Variants in KDM5B observed in about 807,000 individuals in gnomAD.
The protein encoded by KDM5B is lysine demethylase 5B, also known as lysine-specific demethylase 5B.
A neutral mutation model predicts 193.4 loss-of-function variants in KDM5B; 144 were observed. The ratio of observed to expected loss-of-function variants is 0.74; its 90% confidence interval spans 0.65 to 0.86. The LOEUF is 0.86. Among genes scored for constraint, KDM5B ranks in the 40% least tolerant of loss-of-function variants. KDM5B has a pLI of 0.00. For synonymous variants in KDM5B, 668 were observed against 682.6 expected (o/e 0.98, Z 0.33); for missense variants, 1,833 against 1,886.9 (o/e 0.97, Z 0.53).
At chr1:202,754,532 G>A (rs1393460146) in intron 11 of KDM5B, among the ~76,000 whole-genome samples, 1 of 152,134 alleles carries the variant, frequency 6.6e-6, no homozygotes, top group South Asian at 2.1e-4. Context: ...CAACAAAAGA[G>A]AGGCTAGTCA....
At position 202,755,390 on chromosome 1, in the gene KDM5B, T is replaced by C. The variant is rs755065904; in HGVS notation, c.1419A>G (p.Ala473=). The C allele has an allele frequency of 1.9e-6, 3 of 1,614,010 alleles. No individual in the cohort carries two copies. In the South Asian group the frequency reaches 3.3e-5, roughly 18 times the overall value. The stretch of plus-strand genomic sequence containing the variant: ...TGCCACATATATCAGCAGTAATATG[T>C]GCAAGGACAGACTGCTCCATCACTG... ...NMPVMEQSVL[A]HITADICGMK... Residue 473 remains alanine (A), a synonymous_variant, in exon 11 of 27, where the codon GCA becomes GCG. Coordinates refer to ENST00000367265, the MANE Select transcript of KDM5B (RefSeq NM_006618.5).
intron 1 of KDM5B, 46 bp from the exon 2 acceptor site, chr1:202,777,140 G>T: frequency 7.0e-7 from 1 of 1,425,350 alleles, no homozygotes; most frequent in South Asian, 1.2e-5. Flanking sequence ...ATAAGCATTT[G>T]ACATTCAAAA....
intron 1 of KDM5B, among the ~76,000 whole-genome samples, chr1:202,798,663 C>A (rs1657950897): frequency 6.6e-6 from 1 of 151,926 alleles, no homozygotes; most frequent in Non-Finnish European, 1.5e-5. Context: ...GAGTTCGAGG[C>A]TCCAAGGAGC....
intron 1 of KDM5B, among the ~76,000 whole-genome samples, chr1:202,805,022 A>G (rs550701265): frequency 1.3e-5 from 2 of 152,324 alleles, no homozygotes; most frequent in South Asian, 4.1e-4. Context: ...TTTTCTGCCT[A>G]ATAGTTACAC....
At chr1:202,756,696 T>C (rs1656025814) in intron 9 of KDM5B, among the ~76,000 whole-genome samples, 180 bp from the exon 10 acceptor site, 1 of 152,196 alleles carries the variant, frequency 6.6e-6, no homozygotes, top group South Asian at 2.1e-4. Context: ...TGTTCCTCTA[T>C]CACCAGCCAG....
At chr1:202,740,859 A>G (rs1655309680) in intron 19 of KDM5B, 47 bp from the exon 20 acceptor site, 1 of 1,548,848 alleles carries the variant, frequency 6.5e-7, no homozygotes, top group Non-Finnish European at 8.8e-7. Context: ...ATGATGGTTC[A>G]TTTTTCTTAT....
At chr1:202,787,165 T>A (rs1178317955) in intron 1 of KDM5B, among the ~76,000 whole-genome samples, 6 of 152,084 alleles carry the variant, frequency 3.9e-5, no homozygotes, top group African/African-American at 1.2e-4. Flanking sequence ...TGCCACCACA[T>A]CAGGCTAATT....
At chr1:202,783,380 C>A (rs545508050) in intron 1 of KDM5B, among the ~76,000 whole-genome samples, 1 of 152,070 alleles carries the variant, frequency 6.6e-6, no homozygotes, top group East Asian at 1.9e-4. Flanking sequence ...TGGCATGCAC[C>A]TGTAGTCCCA....
intron 5 of KDM5B, chr1:202,766,379 G>A: frequency 3.0e-6 from 1 of 336,914 alleles, no homozygotes; most frequent in Non-Finnish European, 5.7e-6. Context: ...GGTGGCACAC[G>A]CCTGTAGTCC....
chr1:202,753,134 A>G (rs1655862065), intron 11 of KDM5B, 67 bp from the exon 12 acceptor site: 1 of 1,389,706 alleles, frequency 7.2e-7, no homozygotes, highest in Non-Finnish European at 9.9e-7. Context: ...TTACCAGTTC[A>G]TATTTTTCAG....
chr1:202,741,068 T>A (rs1655316728), intron 19 of KDM5B, among the ~76,000 whole-genome samples: 1 of 152,186 alleles, frequency 6.6e-6, no homozygotes, highest in African/African-American at 2.4e-5. Context: ...TATTTGTAAA[T>A]ATTTTCCTCT....
At chr1:202,799,731 G>T (rs1422771470) in intron 1 of KDM5B, among the ~76,000 whole-genome samples, 1 of 151,862 alleles carries the variant, frequency 6.6e-6, no homozygotes, top group Non-Finnish European at 1.5e-5. Flanking sequence ...CAGTCCCCTT[G>T]ATAAACCTCT....
At chr1:202,797,035 A>T (rs1014070504) in intron 1 of KDM5B, 1 of 152,112 alleles carries the variant, frequency 6.6e-6, no homozygotes, top group Non-Finnish European at 1.5e-5. Flanking sequence ...TATCACGATC[A>T]CCACTTATGA....
rs1224927892 is a variant in KDM5B at position 202,755,283 on chromosome 1, T to G, written c.1526A>C (p.Asn509Thr). 6.2e-7 allele frequency: 1 copy of G among 1,613,960 alleles called. No individual in the cohort carries two copies. Residue 509 changes from asparagine (N) to threonine (T), a missense_variant, in exon 11 of 27, where the codon AAC becomes ACC. Asn to Thr is a moderately conservative substitution (Grantham distance 65). This residue lies in a region of KDM5B where 1,379 missense variants were observed against 1,349.6 expected (regional missense o/e 1.02). Transcript: ENST00000367265. ...TGGAACTTCTCACCAGTGCAAGTAG[T>G]TAATTGAATAGCTCCAGTGGTCTTC... ...HIEDHWSYSINYLHWGEPKTW... is the reference protein window; with the variant it reads ...HIEDHWSYSITYLHWGEPKTW...
At chr1:202,729,320 G>A (rs1558476793) in intron 26 of KDM5B, 147 bp from the exon 27 acceptor site, 1 of 804,218 alleles carries the variant, frequency 1.2e-6, no homozygotes, top group Non-Finnish European at 2.0e-6. Context: ...TAAGCCAAAT[G>A]AGTGTAGCTG....
At chr1:202,791,936 C>T (rs2102331760) in intron 1 of KDM5B, among the ~76,000 whole-genome samples, 1 of 152,218 alleles carries the variant, frequency 6.6e-6, no homozygotes, top group South Asian at 2.1e-4. Context: ...CCATGCTGGT[C>T]TTGAACTACT....
chr1:202,725,572 T>A lies in KDM5B; in HGVS notation c.*3464A>T, dbSNP rs1344545834. ...ACCCTGACCCTCATACATAGCTCAA[T>A]AAAGGCCGACACTGGGATCTTCATT... On this transcript the variant is annotated 3_prime_UTR_variant, in exon 27 of 27. Transcript: ENST00000367265. 6.6e-6 allele frequency: 1 copy of A among 152,210 alleles called. No homozygotes were observed. The highest frequency in any genetic ancestry group is 2.1e-4 in the South Asian group (1 of 4,832). 9.4% of individuals were successfully genotyped at this position (152,210 alleles called of 1,614,324 possible).
rs1416124021 is a variant in KDM5B, at chr1:202,733,982, T to TA, written c.3424-97dup. ...GTGGTTAAGAGCATGGGATCCTGAG[T>TA]AGATCATCTGTATTCAAATCCTGAC... On this transcript the variant is annotated intron_variant, in intron 22 of 26. Coordinates refer to ENST00000367265, the MANE Select transcript of KDM5B (RefSeq NM_006618.5). 7.8e-6 allele frequency: 11 copies of TA among 1,413,272 alleles called. No homozygotes were observed. The East Asian group carries it at 2.3e-4, about 29-fold the overall frequency. The allele number at this position is 1,413,272 out of a possible 1,614,324, so 87.5% of individuals were successfully genotyped here.
At position 202,774,621 on chromosome 1, in the gene KDM5B, G is replaced by A. The variant is rs1373310294; in HGVS notation, c.397C>T (p.Leu133Phe). The A allele has an allele frequency of 1.9e-6, 3 of 1,610,072 alleles. No individual in the cohort carries two copies. The highest frequency in any genetic ancestry group is 1.3e-5 in the African/African-American group (1 of 74,834). The change falls in exon 3 of 27, where the codon CTT (leucine) becomes TTT (phenylalanine). Residue 133 changes from leucine to phenylalanine, a missense_variant. Physicochemically the swap from Leu to Phe is conservative, Grantham distance 22. Coordinates refer to ENST00000367265, the MANE Select transcript of KDM5B (RefSeq NM_006618.5). ...GGTCATTAGCTCTTTACCTTATTAAGCTGAAATAAGTCCAAGATCTTCCTC... is the reference window on the plus strand; with the variant it reads ...GGTCATTAGCTCTTTACCTTATTAAACTGAAATAAGTCCAAGATCTTCCTC... Reference protein sequence around the residue: ...VERKILDLFQLNKLVAEEGGF... With the variant: ...VERKILDLFQFNKLVAEEGGF...
Sources: gnomAD v4.1 joint callset for allele counts (sites outside exome capture counted in the v4.1 genomes callset) on GRCh38, gnomAD v4.1.1 for gene constraint, gnomAD v4.1.1 regional missense constraint, MANE v1.5 for transcripts, NCBI Gene and HGNC (gene_info 2026-07-23, HGNC 2026-07-21) for gene names.